The following TTN variants were observed in gnomAD, a reference collection of about 807,000 sequenced individuals.
TTN encodes connectin.
Under a neutral mutation model 3,223.0 loss-of-function variants are expected in TTN, and 1,525 were observed. That is an observed-to-expected ratio of 0.47 (90% CI 0.45 to 0.49). The LOEUF (loss-of-function observed/expected upper bound fraction) is 0.49, where lower values mean the gene tolerates loss of function less well. Among genes scored for constraint, TTN ranks in the 20% least tolerant of loss-of-function variants. The pLI, the probability that TTN is intolerant of heterozygous loss-of-function variation, is 0.00. For missense variants in TTN, 40,786 were observed against 43,424.0 expected, an observed-to-expected ratio of 0.94 and a Z score of 5.40; for synonymous variants, 14,094 against 15,161.0, an observed-to-expected ratio of 0.93 and a Z score of 5.17.
Position 178,694,652 on chromosome 2 carries a change from A to G in TTN, c.31373T>C (p.Val10458Ala), listed in dbSNP as rs1466822756. Reference protein sequence around the residue: ...TKVPEVSKKIVPQKPSRTPVQ... With the variant: ...TKVPEVSKKIAPQKPSRTPVQ... ...TGGAGTCCGGGAAGGTTTTTGTGGA[A>G]CAATCTTCTTTGAAACTTCAGGTAC... The change falls in exon 117 of 363, where the codon GTT becomes GCT. Residue 10458 changes from valine (V) to alanine (A), a missense_variant. Physicochemically the swap from Val to Ala is moderately conservative, Grantham distance 64. Transcript: ENST00000589042. 3 of 1,557,214 alleles carry G rather than the reference A, an allele frequency of 1.9e-6. No individual in the cohort carries two copies. In the African/African-American group the frequency reaches 4.1e-5, roughly 21 times the overall value.
At chr2:178,721,781 A>G in intron 78 of TTN, 66 bp downstream of exon 78, 1 of 1,430,520 alleles carries the variant, frequency 7.0e-7, no homozygotes, top group South Asian at 1.9e-5. Context: ...AACCAAAGAA[A>G]CTTTTATAAG....
chr2:178,684,530 A>T, intron 131 of TTN, 117 bp from the exon 132 acceptor site: 2 of 1,350,256 alleles, frequency 1.5e-6, no homozygotes, highest in African/African-American at 1.5e-5. Context: ...ACACAAAAAC[A>T]TCACAAGTAA....
Position 178,776,756 on chromosome 2 carries a change from GGTTTCTGTT to G in TTN, c.5099_5107del (p.Gln1700_Lys1702del). The G allele has an allele frequency of 6.2e-7, 1 of 1,614,094 alleles. No homozygotes were observed. The highest frequency in any genetic ancestry group is 8.5e-7 in the Non-Finnish European group (1 of 1,180,012). On this transcript the variant is annotated inframe_deletion, in exon 28 of 363. Coordinates refer to ENST00000589042, the MANE Select transcript of TTN (RefSeq NM_001267550.2). ...GGAAGTGAGTTTTTTCTTGAAAAAT[GGTTTCTGTT>G]GTTTCTCTTTGTCATAGAGATCACC...
In TTN at chr2:178,693,917, T is replaced by C. The variant is rs758285925; in HGVS notation, c.31513+5A>G. Reference sequence around the variant, plus strand: ...TGAGCCCCCACATTCCAGTTTGCCTTATACCTGTGACTGACACCTCCTCCT... The same window carrying C: ...TGAGCCCCCACATTCCAGTTTGCCTCATACCTGTGACTGACACCTCCTCCT... On this transcript the variant is annotated splice_donor_5th_base_variant and intron_variant, in intron 118 of 362. Coordinates refer to ENST00000589042, the MANE Select transcript of TTN (RefSeq NM_001267550.2). The C allele has an allele frequency of 5.6e-6, 9 of 1,612,228 alleles. No homozygotes were observed. The Admixed American group carries it at 1.5e-4, about 27-fold the overall frequency.
At position 178,789,340 on chromosome 2, in the gene TTN, C is replaced by T. The variant is rs199992168; in HGVS notation, c.2076+20G>A. On this transcript the variant is annotated intron_variant, in intron 13 of 362. Transcript: ENST00000589042. ...ATGTATTATAATAGGGGATTTCACA[C>T]TTGGAACAACAATAGTCACCTTTCC... 6.2e-7 allele frequency: 1 copy of T among 1,612,830 alleles called. No individual in the cohort carries two copies. Among genetic ancestry groups the T allele is most frequent in the Non-Finnish European group, 8.5e-7 (1 of 1,179,082 alleles).
rs2154166622 is a variant in TTN, at chr2:178,567,916, A to G, written c.78216T>C (p.Gly26072=). ...CAGAATTCTTGCTTGCTTTGCCTAC[A>G]CCAACAATATTTTCAGCATACACTC... ...EFRVYAENIV[G]VGKASKNSEC... Residue 26072 remains glycine, a synonymous_variant, in exon 326 of 363, where the codon GGT becomes GGC. Transcript: ENST00000589042. The G allele has an allele frequency of 3.1e-6, 5 of 1,613,546 alleles. No homozygotes were observed. The highest frequency in any genetic ancestry group is 1.7e-4 in the Middle Eastern group (1 of 6,056).
In TTN at chr2:178,581,441, C is replaced by G. The variant is rs1575913172; in HGVS notation, c.66769+58G>C. 4 of 1,418,116 alleles carry G rather than the reference C, an allele frequency of 2.8e-6. No individual in the cohort carries two copies. The East Asian group carries it at 9.3e-5, about 33-fold the overall frequency. 87.8% of individuals were successfully genotyped at this position (1,418,116 alleles called of 1,614,324 possible). On this transcript the variant is annotated intron_variant, in intron 316 of 362. Transcript: ENST00000589042. ...AATCTACCTAAGGGAGTTCTAGTCT[C>G]CCTCTTAGAATATGATTAATAGGAA...
rs781630562 is a variant in TTN, at chr2:178,590,398, A to T, written c.61327T>A (p.Tyr20443Asn). The change falls in exon 304 of 363, where the codon TAC becomes AAC. Residue 20443 changes from tyrosine to asparagine, a missense_variant. Coordinates refer to ENST00000589042, the MANE Select transcript of TTN (RefSeq NM_001267550.2). ...TTAGCTGCCTTTATACGGAATCTGT[A>T]CTCATTTCCTTCAATTAGTCCAGGT... ...RVPGLIEGNE[Y>N]RFRIKAANIV... The T allele has an allele frequency of 1.2e-6, 2 of 1,605,520 alleles. No individual in the cohort carries two copies. Among genetic ancestry groups the T allele is most frequent in the Non-Finnish European group, 1.7e-6 (2 of 1,176,448 alleles).
chr2:178,731,150 G>A lies in TTN; in HGVS notation c.17515C>T (p.Pro5839Ser). 6.2e-7 allele frequency: 1 copy of A among 1,613,538 alleles called. No homozygotes were observed. Residue 5839 changes from proline to serine, a missense_variant, in exon 60 of 363, where the codon CCA (proline) becomes TCA (serine). Pro to Ser is a moderately conservative substitution (Grantham distance 74). Transcript: ENST00000589042. ...GAAAATTTAACCTGCAAAGTGGCTG[G>A]GTCTCCTTGGGTGACATCTATAGAC... ...AVSIDVTQGDPATLQVKFSGT... is the reference protein window; with the variant it reads ...AVSIDVTQGDSATLQVKFSGT...
At position 178,601,107 on chromosome 2, in the gene TTN, T is replaced by C; in HGVS notation, c.55797A>G (p.Ser18599=). 2 of 1,598,012 alleles carry C rather than the reference T, an allele frequency of 1.3e-6. No individual in the cohort carries two copies. The highest frequency in any genetic ancestry group is 1.7e-6 in the Non-Finnish European group (2 of 1,171,886). ...GLITKNTVHL[S]WKPPKNDGGS... is the part of the protein sequence containing the mutation. ...CCCCATCATTCTTCGGGGGTTTCCATGACAGATGCACTGTGTTCTTTGTGA... is the reference window on the plus strand; with the variant it reads ...CCCCATCATTCTTCGGGGGTTTCCACGACAGATGCACTGTGTTCTTTGTGA... The change falls in exon 288 of 363, where the codon TCA becomes TCG. Residue 18599 remains serine, a synonymous_variant. Coordinates refer to ENST00000589042, the MANE Select transcript of TTN (RefSeq NM_001267550.2).
rs2055350149 is a variant in TTN, at chr2:178,608,078, G to A, written c.52709C>T (p.Pro17570Leu). 2 of 1,611,808 alleles carry A rather than the reference G, an allele frequency of 1.2e-6. No homozygotes were observed. Among genetic ancestry groups the A allele is most frequent in the East Asian group, 4.5e-5 (2 of 44,478 alleles). ...GACTCTTGGGATAGGTGGCCCAGGAGGAGCTAGAATGAATGAAGATAGACA... is the reference window on the plus strand; with the variant it reads ...GACTCTTGGGATAGGTGGCCCAGGAAGAGCTAGAATGAATGAAGATAGACA... ...DPKTAHDPISPPGPPIPRVTD... is the reference protein window; with the variant it reads ...DPKTAHDPISLPGPPIPRVTD... Residue 17570 changes from proline (P) to leucine (L), a missense_variant, in exon 276 of 363, where the codon CCT (proline) becomes CTT (leucine). Coordinates refer to ENST00000589042, the MANE Select transcript of TTN (RefSeq NM_001267550.2).
In TTN at chr2:178,731,367, T is replaced by C. The variant is rs1470486137; in HGVS notation, c.17399A>G (p.Tyr5800Cys). Residue 5800 changes from tyrosine (Y) to cysteine (C), a missense_variant, in exon 59 of 363, where the codon TAT (tyrosine) becomes TGT (cysteine). Coordinates refer to ENST00000589042, the MANE Select transcript of TTN (RefSeq NM_001267550.2). ...TGCATCATTTTTGGCCTGACAGACATATTTCCCATCATGCTTGACTTCAAT... is the reference window on the plus strand; with the variant it reads ...TGCATCATTTTTGGCCTGACAGACACATTTCCCATCATGCTTGACTTCAAT... ...SGIEVKHDGK[Y>C]VCQAKNDAGI... 1 of 1,613,812 alleles carries C rather than the reference T, an allele frequency of 6.2e-7. No homozygotes were observed. Among genetic ancestry groups the C allele is most frequent in the Non-Finnish European group, 8.5e-7 (1 of 1,179,768 alleles).
Position 178,546,808 on chromosome 2 carries a change from G to T in TTN, c.94620C>A (p.Gly31540=), listed in dbSNP as rs746325775. ...TGACTGGCTTACGCTCTATGATGTA[G>T]CCCACAACCTTGCTGCCTCCATCAT... is the stretch of plus-strand genomic sequence containing the variant. ...PAYDGGSKVV[G]YIIERKPVSE... Residue 31540 remains glycine (G), a synonymous_variant, in exon 341 of 363, where the codon GGC becomes GGA. Transcript: ENST00000589042. The T allele has an allele frequency of 1.2e-5, 20 of 1,612,686 alleles. No homozygotes were observed. The highest frequency in any genetic ancestry group is 1.6e-5 in the Non-Finnish European group (19 of 1,179,024).
At chr2:178,789,268 G>T in intron 13 of TTN, 92 bp downstream of exon 13, 1 of 1,523,262 alleles carries the variant, frequency 6.6e-7, no homozygotes, top group Non-Finnish European at 9.1e-7. Flanking sequence ...TCAGAGACTT[G>T]ATATTAATGT....
At chr2:178,735,462 G>A in intron 50 of TTN, 49 bp downstream of exon 50, 1 of 1,474,710 alleles carries the variant, frequency 6.8e-7, no homozygotes, top group Non-Finnish European at 9.0e-7. Flanking sequence ...TTTCTACTGA[G>A]GATTCCTTGC....
rs1163071907 is a variant in TTN at position 178,750,629 on chromosome 2, T to C, written c.11311+2495A>G. The C allele has an allele frequency of 3.1e-6, 5 of 1,612,834 alleles. No individual in the cohort carries two copies. The South Asian group carries it at 5.5e-5, about 18-fold the overall frequency. On this transcript the variant is annotated intron_variant, in intron 47 of 362. Coordinates refer to ENST00000589042, the MANE Select transcript of TTN (RefSeq NM_001267550.2). ...TTCAAAAAATCTCATGTTTTCTTCC[T>C]TCTGTTCGGTTTTGAATTCATCAAT...
chr2:178,679,893 C>T lies in TTN; in HGVS notation c.33580+1G>A, dbSNP rs2068947933. On this transcript the variant is annotated splice_donor_variant, in intron 140 of 362. Coordinates refer to ENST00000589042, the MANE Select transcript of TTN (RefSeq NM_001267550.2). LOFTEE classifies it high-confidence loss of function. ...AGCCCTTTGCAGGAGGCATCATCTA[C>T]CTTTGACTGGTATCACTGGCACCAC... 2 of 1,612,990 alleles carry T rather than the reference C, an allele frequency of 1.2e-6. No individual in the cohort carries two copies. The highest frequency in any genetic ancestry group is 4.5e-5 in the East Asian group (2 of 44,870).
chr2:178,669,339 A>G (rs1213741175), intron 159 of TTN, 34 bp downstream of exon 159: 82 of 1,484,402 alleles, frequency 5.5e-5, no homozygotes, highest in Non-Finnish European at 7.3e-5. Context: ...ACATAAATGA[A>G]ACGAAAAAGA....
In TTN at chr2:178,717,349, G is replaced by T. The variant is rs1249885767; in HGVS notation, c.25385C>A (p.Pro8462His). The T allele has an allele frequency of 5.0e-6, 8 of 1,611,672 alleles. No homozygotes were observed. The East Asian group carries it at 1.6e-4, about 31-fold the overall frequency. Residue 8462 changes from proline to histidine, a missense_variant, in exon 88 of 363, where the codon CCT becomes CAT. Coordinates refer to ENST00000589042, the MANE Select transcript of TTN (RefSeq NM_001267550.2). ...HEVPPFFDLK[P>H]VSVDLALGES... Reference sequence around the variant, plus strand: ...TCCAAGAGCAAGATCTACTGATACAGGCTTTAGATCAAAGAAAGGAGGCAC... The same window carrying T: ...TCCAAGAGCAAGATCTACTGATACATGCTTTAGATCAAAGAAAGGAGGCAC...
Sources: gnomAD v4.1 joint callset for allele counts on GRCh38, gnomAD v4.1.1 for gene constraint, MANE v1.5 for transcripts, NCBI Gene and HGNC (gene_info 2026-07-23, HGNC 2026-07-21) for gene names.